Variants in MSLN observed in about 807,000 individuals in gnomAD.
MSLN encodes the protein CAK1 antigen.
MSLN carries 82 observed loss-of-function variants against 72.6 expected under a neutral mutation model. The ratio of observed to expected loss-of-function variants is 1.13; its 90% CI spans 0.94 to 1.36. The LOEUF is 1.36. MSLN is among the 40% of genes most tolerant of loss of function. The probability of loss-of-function intolerance (pLI) is 0.00; values close to 1 mark genes in which losing one functional copy is unlikely to be tolerated. For synonymous variants in MSLN, 456 were observed against 387.3 expected, an observed-to-expected ratio of 1.18 and a Z score of -2.08; for missense variants, 1,005 against 847.9, an observed-to-expected ratio of 1.19 and a Z score of -2.30.
intron 8 of MSLN, 31 bp downstream of exon 8, chr16:765,067 G>C: frequency 6.2e-7 from 1 of 1,608,212 alleles, no homozygotes; most frequent in Non-Finnish European, 8.5e-7. Flanking sequence ...GGGGCGGAGA[G>C]GGCTCGGCAG....
intron 5 of MSLN, 22 bp from the exon 6 acceptor site, chr16:764,001 C>T: frequency 6.3e-7 from 1 of 1,594,366 alleles, no homozygotes. Flanking sequence ...ATCGTGGGTG[C>T]CCAGCCCGAC....
rs1033334531 is a variant in MSLN at position 765,243 on chromosome 16, T to TGGACCA, written c.652_657dup (p.Asp218_Gln219dup). 1.3e-6 allele frequency: 2 copies of TGGACCA among 1,584,396 alleles called. No individual in the cohort carries two copies. The highest frequency in any genetic ancestry group is 2.7e-5 in the African/African-American group (2 of 74,640). On this transcript the variant is annotated inframe_insertion, in exon 9 of 18. Transcript: ENST00000545450. ...CGGCTGGTGAGCTGCCCGGGACCCC[T>TGGACCA]GGACCAGGACCAGCAGGAGGCAGCC...
rs764579684 is a variant in MSLN at position 765,837 on chromosome 16, C to A, written c.895+47C>A. The A allele has an allele frequency of 9.7e-6, 15 of 1,552,772 alleles. No individual in the cohort carries two copies. In the South Asian group the frequency reaches 1.6e-4, roughly 17 times the overall value. ...GTCTGGCACCAGGCTGGGCAGCACCCCTGGGGGTGGGCATCACTTTAGGGT... is the reference window on the plus strand; with the variant it reads ...GTCTGGCACCAGGCTGGGCAGCACCACTGGGGGTGGGCATCACTTTAGGGT... On this transcript the variant is annotated intron_variant, in intron 11 of 17. Coordinates refer to ENST00000545450, the MANE Select transcript of MSLN (RefSeq NM_005823.6).
chr16:764,740 C>T lies in MSLN; in HGVS notation c.380+14C>T. ...GCTATTCCTCAAGTAGGCCCTGCCC[C>T]CTGAACCCACCCCCCCGGCTTTTGC... is the stretch of plus-strand genomic sequence containing the variant. On this transcript the variant is annotated intron_variant, in intron 7 of 17. Coordinates refer to ENST00000545450, the MANE Select transcript of MSLN (RefSeq NM_005823.6). 1 of 1,598,208 alleles carries T rather than the reference C, an allele frequency of 6.3e-7. No individual in the cohort carries two copies. The highest frequency in any genetic ancestry group is 8.6e-7 in the Non-Finnish European group (1 of 1,168,818).
rs763647118 is a variant in MSLN at position 766,490 on chromosome 16, G to C, written c.1230G>C (p.Gln410His). 2 of 1,612,616 alleles carry C rather than the reference G, an allele frequency of 1.2e-6. No homozygotes were observed. The highest frequency in any genetic ancestry group is 8.5e-7 in the Non-Finnish European group (1 of 1,179,886). ...ACAAAGGGCACGAAATGAGTCCTCAGGTGACCGTCCGGCTCGGGGGTCATG... is the reference window on the plus strand; with the variant it reads ...ACAAAGGGCACGAAATGAGTCCTCACGTGACCGTCCGGCTCGGGGGTCATG... ...EVNKGHEMSP[Q>H]VATLIDRFVK... Residue 410 changes from glutamine to histidine, a missense_variant and splice_region_variant, in exon 13 of 18, where the codon CAG becomes CAC. Gln to His is a conservative substitution (Grantham distance 24). Transcript: ENST00000545450.
intron 11 of MSLN, 77 bp downstream of exon 11, chr16:765,867 C>T: frequency 1.4e-6 from 2 of 1,412,844 alleles, no homozygotes; most frequent in Non-Finnish European, 9.6e-7. Flanking sequence ...TAGGGTCTCA[C>T]CTGCCCCTCC....
rs199864844 is a variant in MSLN, at chr16:766,505, C to T, written c.1230+15C>T. On this transcript the variant is annotated intron_variant, in intron 13 of 17. Coordinates refer to ENST00000545450, the MANE Select transcript of MSLN (RefSeq NM_005823.6). ...TGAGTCCTCAGGTGACCGTCCGGCT[C>T]GGGGGTCATGTGGCATGAGATTGGG... 152 of 1,612,244 alleles carry T rather than the reference C, an allele frequency of 9.4e-5. 1 individual carries two copies. In the African/African-American group the frequency reaches 1.1e-3, roughly 12 times the overall value.
chr16:763,100 C>T, intron 3 of MSLN, 133 bp from the exon 4 acceptor site: 1 of 638,932 alleles, frequency 1.6e-6, no homozygotes, highest in Non-Finnish European at 2.7e-6. Context: ...TGGGCCTGAG[C>T]CACTGGCTTC....
In MSLN at chr16:766,472, G is replaced by A. The variant is rs1419165481; in HGVS notation, c.1212G>A (p.Gly404=). Residue 404 remains glycine, a synonymous_variant, in exon 13 of 18, where the codon GGG becomes GGA. Coordinates refer to ENST00000545450, the MANE Select transcript of MSLN (RefSeq NM_005823.6). ...AGGCTTTGCTTGAAGTCAACAAAGG[G>A]CACGAAATGAGTCCTCAGGTGACCG... The part of the protein sequence containing the change: ...TLKALLEVNK[G]HEMSPQVATL... 3.1e-6 allele frequency: 5 copies of A among 1,612,502 alleles called. No homozygotes were observed. The highest frequency in any genetic ancestry group is 3.4e-6 in the Non-Finnish European group (4 of 1,179,892).
intron 2 of MSLN, 28 bp downstream of exon 2, chr16:761,202 G>A (rs538551703): frequency 2.0e-5 from 3 of 152,428 alleles, no homozygotes; most frequent in Non-Finnish European, 4.4e-5. Flanking sequence ...AGCTCTTCCT[G>A]TTGTGGTGTG....
At chr16:767,257 C>T in intron 15 of MSLN, 119 bp from the exon 16 acceptor site, 1 of 1,153,836 alleles carries the variant, frequency 8.7e-7, no homozygotes, top group East Asian at 2.4e-5. Flanking sequence ...AACCCAGGCC[C>T]TGGAATCCCT....
Position 763,292 on chromosome 16 carries a change from G to A in MSLN, c.129+16G>A, listed in dbSNP as rs745488330. 9 of 1,537,224 alleles carry A rather than the reference G, an allele frequency of 5.9e-6. No individual in the cohort carries two copies. In the East Asian group the frequency reaches 2.2e-4, roughly 38 times the overall value. ...GACAGGGCAGGTAAGGTCCCCTCTG[G>A]GGAAACAGGGGAGGGTCTTCAGGTC... On this transcript the variant is annotated intron_variant, in intron 4 of 17. Transcript: ENST00000545450.
rs1482416520 is a variant in MSLN at position 765,260 on chromosome 16, G to A, written c.661G>A (p.Glu221Lys). The A allele has an allele frequency of 6.9e-6, 11 of 1,585,360 alleles. No individual in the cohort carries two copies. The African/African-American group carries it at 1.3e-4, about 19-fold the overall frequency. Reference sequence around the variant, plus strand: ...GGGACCCCTGGACCAGGACCAGCAGGAGGCAGCCAGGGCGGCTCTGCAGGG... The same window carrying A: ...GGGACCCCTGGACCAGGACCAGCAGAAGGCAGCCAGGGCGGCTCTGCAGGG... ...CPGPLDQDQQ[E>K]AARAALQGGG... The change falls in exon 9 of 18, where the codon GAG becomes AAG. Residue 221 changes from glutamate to lysine, a missense_variant. Transcript: ENST00000545450.
rs545304974 is a variant in MSLN at position 765,234 on chromosome 16, C to T, written c.635C>T (p.Pro212Leu). The T allele has an allele frequency of 2.8e-5, 45 of 1,584,350 alleles. No individual in the cohort carries two copies. Among genetic ancestry groups the T allele is most frequent in the East Asian group, 6.8e-5 (3 of 44,048 alleles). The change falls in exon 9 of 18, where the codon CCG becomes CTG. Residue 212 changes from proline to leucine, a missense_variant. By Grantham distance (98) the Pro-to-Leu change is moderately conservative. Coordinates refer to ENST00000545450, the MANE Select transcript of MSLN (RefSeq NM_005823.6). ...CTGCTACCCCGGCTGGTGAGCTGCC[C>T]GGGACCCCTGGACCAGGACCAGCAG... ...EVLLPRLVSC[P>L]GPLDQDQQEA...
intron 15 of MSLN, 96 bp from the exon 16 acceptor site, chr16:767,280 A>T: frequency 8.1e-7 from 1 of 1,233,836 alleles, no homozygotes; most frequent in South Asian, 1.2e-5. Flanking sequence ...GGAAAAAGGG[A>T]AGCCCTGTAA....
At chr16:766,577 C>A in intron 13 of MSLN, 87 bp downstream of exon 13, 3 of 1,608,320 alleles carry the variant, frequency 1.9e-6, no homozygotes, top group Non-Finnish European at 2.5e-6. Flanking sequence ...GTTGGGCGGG[C>A]CTGGGGTCAG....
chr16:763,945 C>T, intron 5 of MSLN, 78 bp from the exon 6 acceptor site: 1 of 1,564,280 alleles, frequency 6.4e-7, no homozygotes, highest in Non-Finnish European at 8.6e-7. Flanking sequence ...AGAGGTGGGG[C>T]TGTGGGGCTT....
chr16:765,040 G>C lies in MSLN; in HGVS notation c.510+4G>C. On this transcript the variant is annotated splice_donor_region_variant and intron_variant, in intron 8 of 17. Coordinates refer to ENST00000545450, the MANE Select transcript of MSLN (RefSeq NM_005823.6). ...GCCTGCGGCTCTGGCCTGCTGGGTA[G>C]GGGCTGGGGCCAGCGCGGGGCGGAG... 6.2e-7 allele frequency: 1 copy of C among 1,611,130 alleles called. No individual in the cohort carries two copies. Among genetic ancestry groups the C allele is most frequent in the Non-Finnish European group, 8.5e-7 (1 of 1,179,140 alleles).
chr16:761,524 G>A (rs989612078), intron 2 of MSLN, among the ~76,000 whole-genome samples: 1 of 152,230 alleles, frequency 6.6e-6, no homozygotes, highest in African/African-American at 2.4e-5. Context: ...CATGGAGCTG[G>A]GGTGGGGAGT....
Sources: allele counts gnomAD v4.1 joint callset (sites outside exome capture counted in the v4.1 genomes callset), GRCh38; gene constraint gnomAD v4.1.1; transcripts MANE v1.5; gene names NCBI Gene and HGNC (gene_info 2026-07-23, HGNC 2026-07-21).